Variants in UPF2 observed in about 807,000 individuals in gnomAD.
UPF2 encodes UPF2 regulator of nonsense mediated mRNA decay, also known as regulator of nonsense transcripts 2.
Under a neutral mutation model 141.4 loss-of-function variants are expected in UPF2, and 17 were observed. The ratio of observed to expected loss-of-function variants is 0.12; its 90% CI spans 0.08 to 0.18. The LOEUF is 0.18. Among genes scored for constraint, UPF2 ranks in the 10% least tolerant of loss-of-function variants. The pLI is 1.00. For missense variants in UPF2, 1,152 were observed against 1,515.9 expected, an observed-to-expected ratio of 0.76 and a Z score of 3.99; for synonymous variants, 540 against 498.0, an observed-to-expected ratio of 1.08 and a Z score of -1.12.
rs374775658 is a variant in UPF2 at position 11,962,826 on chromosome 10, T to C, written c.2184+1183A>G. On this transcript the variant is annotated intron_variant, in intron 11 of 21. Transcript: ENST00000357604. ...ACCTGCAGCTGTTTTATTCAACTGG[T>C]TTCTCTTCTCTGCCTTTAAGACTCA... 3.3e-5 allele frequency among the ~76,000 whole-genome samples: 5 copies of C among 152,260 alleles called. No homozygotes were observed. The East Asian group carries it at 5.8e-4, about 18-fold the overall frequency.
Position 11,956,855 on chromosome 10 carries a change from C to T in UPF2, c.2371-332G>A, listed in dbSNP as rs2131190851. Among the ~76,000 whole-genome samples the T allele has an allele frequency of 6.6e-6, 1 of 152,234 alleles. No homozygotes were observed. Among genetic ancestry groups the T allele is most frequent in the African/African-American group, 2.4e-5 (1 of 41,540 alleles). ...TTTCCCCCCCAGACACAGTCTCACT[C>T]TGTCACCCAGGCTGGAGTGCAGTAG... On this transcript the variant is annotated intron_variant, in intron 12 of 21. Transcript: ENST00000357604. The surrounding 1 kb of genome is among the most constrained non-coding windows in gnomAD (Gnocchi z 4.2).
At chr10:11,955,190 A>G in intron 14 of UPF2, 42 bp downstream of exon 14, 1 of 1,506,444 alleles carries the variant, frequency 6.6e-7, no homozygotes, top group Non-Finnish European at 8.9e-7. Flanking sequence ...AACACATGCA[A>G]TATGTTAAAT....
intron 14 of UPF2, among the ~76,000 whole-genome samples, chr10:11,954,131 T>C (rs1833112056): frequency 6.6e-6 from 1 of 152,150 alleles, no homozygotes; most frequent in Non-Finnish European, 1.5e-5. Flanking sequence ...ACCTCTGAAA[T>C]ACAAACTTTA....
At chr10:11,942,802 T>TTTTTTTTTTTTTTTTTG (rs1588529726) in intron 17 of UPF2, 39 bp from the exon 18 acceptor site, 1 of 1,586,140 alleles carries the variant, frequency 6.3e-7, no homozygotes, top group East Asian at 2.2e-5. Context: ...CCAGAAATTT[T>TTTTTTTTTTTTTTTTTG]AACTGTAATG....
chr10:12,025,510 C>T (rs749394141), intron 3 of UPF2, among the ~76,000 whole-genome samples: 4 of 151,932 alleles, frequency 2.6e-5, no homozygotes, highest in African/African-American at 7.3e-5. Flanking sequence ...AAGACCATGA[C>T]ACTGCATTCC....
intron 12 of UPF2, among the ~76,000 whole-genome samples, chr10:11,958,686 G>C (rs977956350): frequency 1.3e-5 from 2 of 152,110 alleles, no homozygotes; most frequent in Admixed American, 6.6e-5. Flanking sequence ...AAGATAATAG[G>C]TCAGTGATTC....
In UPF2 at chr10:12,004,551, A is replaced by G. The variant is rs141402752; in HGVS notation, c.1483T>C (p.Ser495Pro). 77 of 1,612,532 alleles carry G rather than the reference A, an allele frequency of 4.8e-5. No homozygotes were observed. Among genetic ancestry groups the G allele is most frequent in the Non-Finnish European group, 6.4e-5 (76 of 1,179,538 alleles). Residue 495 changes from serine (S) to proline (P), a missense_variant, in exon 5 of 22, where the codon TCC (serine) becomes CCC (proline). Transcript: ENST00000357604. ...TTACCTTTGGTATCATCTTTGTTGG[A>G]CTCTTTATTCTGACAACTTTTTTCA... is the stretch of plus-strand genomic sequence containing the variant. The part of the protein sequence containing the change: ...DNEKSCQNKE[S>P]NKDDTKEAKE...
Position 12,038,745 on chromosome 10 carries a change from A to C in UPF2, c.-18-3304T>G, listed in dbSNP as rs144106839. Among the ~76,000 whole-genome samples, 62 of 152,138 alleles carry C rather than the reference A, an allele frequency of 4.1e-4. No homozygotes were observed. The East Asian group carries it at 0.011, about 27-fold the overall frequency. On this transcript the variant is annotated intron_variant, in intron 1 of 21. Transcript: ENST00000357604. ...CTCCGTCTCAAAAATACAAAAAAAAACAACAACAACAACAAAAGAAAAAGC... is the reference window on the plus strand; with the variant it reads ...CTCCGTCTCAAAAATACAAAAAAAACCAACAACAACAACAAAAGAAAAAGC...
At position 11,951,989 on chromosome 10, in the gene UPF2, G is replaced by A. The variant is rs752227337; in HGVS notation, c.3034+77C>T. 4.2e-6 allele frequency: 6 copies of A among 1,426,040 alleles called. No individual in the cohort carries two copies. In the South Asian group the frequency reaches 7.1e-5, roughly 17 times the overall value. The allele number at this position is 1,426,040 out of a possible 1,614,324, so 88.3% of individuals were successfully genotyped here. A position where few individuals can be genotyped will look rare whatever the true frequency, so the allele number is the denominator to read the frequency against. ...AAAAGATACAATGTAAGCTCTGACT[G>A]GTAACATTATAAAGCAAATTCCAGA... On this transcript the variant is annotated intron_variant, in intron 15 of 21. Coordinates refer to ENST00000357604, the MANE Select transcript of UPF2 (RefSeq NM_015542.4).
At position 12,031,258 on chromosome 10, in the gene UPF2, G is replaced by A. The variant is rs139701382; in HGVS notation, c.366-1734C>T. On this transcript the variant is annotated intron_variant, in intron 2 of 21. Transcript: ENST00000357604. ...GCACATTAGCCAAACCTTTAACAAAGTACCTTGCTATGTTTGGGCTCTTAA... is the reference window on the plus strand; with the variant it reads ...GCACATTAGCCAAACCTTTAACAAAATACCTTGCTATGTTTGGGCTCTTAA... 9.1e-3 allele frequency among the ~76,000 whole-genome samples: 1,358 copies of A among 149,488 alleles called. 27 individuals are homozygous for A. The highest frequency in any genetic ancestry group is 0.032 in the African/African-American group (1,282 of 40,520).
At chr10:11,951,115 T>G (rs1367346882) in intron 15 of UPF2, among the ~76,000 whole-genome samples, 1 of 152,174 alleles carries the variant, frequency 6.6e-6, no homozygotes, top group Non-Finnish European at 1.5e-5. Flanking sequence ...CAGGCTGTAG[T>G]GCAATGGCGT....
chr10:12,011,672 G>A (rs183330718), intron 4 of UPF2, among the ~76,000 whole-genome samples: 133 of 151,736 alleles, frequency 8.8e-4, no homozygotes, highest in Middle Eastern at 3.4e-3. Flanking sequence ...ATGACAGGGC[G>A]CAGTGGCTCA....
intron 8 of UPF2, among the ~76,000 whole-genome samples, chr10:11,981,938 C>T (rs544229990): frequency 6.6e-6 from 1 of 152,266 alleles, no homozygotes; most frequent in Admixed American, 6.5e-5. Flanking sequence ...TCCGCCTTGA[C>T]CTCCAAAAGT....
Position 11,920,915 on chromosome 10 carries a change from C to A in UPF2, c.*383G>T. 1 of 452,854 alleles carries A rather than the reference C, an allele frequency of 2.2e-6. No homozygotes were observed. The allele number at this position is 452,854 out of a possible 1,614,324, so 28.1% of individuals were successfully genotyped here. The stretch of plus-strand genomic sequence containing the variant: ...TGAAACTCAAATCAAGTTTAAAGCT[C>A]AAGTTCATTTCCCCCACACCATTAC... On this transcript the variant is annotated 3_prime_UTR_variant, in exon 22 of 22. Coordinates refer to ENST00000357604, the MANE Select transcript of UPF2 (RefSeq NM_015542.4).
chr10:11,927,046 T>C (rs1832721941), intron 21 of UPF2, among the ~76,000 whole-genome samples: 1 of 152,148 alleles, frequency 6.6e-6, no homozygotes, highest in African/African-American at 2.4e-5. Flanking sequence ...AACAGACAAA[T>C]GAAGAGGGTG....
At chr10:12,039,450 T>C (rs1049726171) in intron 1 of UPF2, among the ~76,000 whole-genome samples, 1 of 152,188 alleles carries the variant, frequency 6.6e-6, no homozygotes, top group East Asian at 1.9e-4. Context: ...ATGGGGACAA[T>C]TTAATATCTA....
At chr10:12,010,578 A>G (rs1158294534) in intron 4 of UPF2, among the ~76,000 whole-genome samples, 3 of 152,240 alleles carry the variant, frequency 2.0e-5, no homozygotes, top group African/African-American at 7.2e-5. Context: ...AGGAAAGGAC[A>G]TCAATGAACT....
intron 9 of UPF2, among the ~76,000 whole-genome samples, chr10:11,972,124 C>T (rs1251269227): frequency 3.3e-5 from 5 of 150,394 alleles, no homozygotes; most frequent in Admixed American, 2.0e-4. Context: ...CACACATGAA[C>T]TGTAAGGATT....
At chr10:11,942,603 A>T (rs1443966530) in intron 18 of UPF2, 62 bp downstream of exon 18, 1 of 1,495,612 alleles carries the variant, frequency 6.7e-7, no homozygotes, top group African/African-American at 1.4e-5. Context: ...CATGAACCAG[A>T]ATGTAATGGG....
Sources: gnomAD v4.1 joint callset for allele counts (sites outside exome capture counted in the v4.1 genomes callset) on GRCh38, gnomAD v4.1.1 for gene constraint, Gnocchi (gnomAD v3.1) non-coding constraint, MANE v1.5 for transcripts, NCBI Gene and HGNC (gene_info 2026-07-23, HGNC 2026-07-21) for gene names.